ITGAX: variants seen among roughly 807,000 people sequenced by gnomAD.
The protein encoded by ITGAX is integrin alpha-X.
A neutral mutation model predicts 140.2 loss-of-function variants in ITGAX; 99 were observed. The ratio of observed to expected loss-of-function variants is 0.71; its 90% CI spans 0.60 to 0.83. The LOEUF is 0.83. Ranked by LOEUF, ITGAX falls within the 40% of genes least tolerant of loss-of-function variation. The pLI is 0.00. For missense variants in ITGAX, 1,444 were observed against 1,482.0 expected (o/e 0.97, Z 0.42); for synonymous variants, 631 against 600.4 (o/e 1.05, Z -0.75).
intron 23 of ITGAX, among the ~76,000 whole-genome samples, chr16:31,378,656 G>A (rs2081040950): frequency 6.6e-6 from 1 of 151,874 alleles, no homozygotes; most frequent in African/African-American, 2.4e-5. Flanking sequence ...TTGTTTTGGA[G>A]AGATGGGGTC....
rs145504543 is a variant in ITGAX, at chr16:31,371,456, G to C, written c.1964G>C (p.Cys655Ser). 1 of 1,614,168 alleles carries C rather than the reference G, an allele frequency of 6.2e-7. No homozygotes were observed. Residue 655 changes from cysteine to serine, a missense_variant, in exon 16 of 30, where the codon TGC becomes TCC. By Grantham distance (112) the Cys-to-Ser change is moderately radical (BLOSUM62 -1). Transcript: ENST00000268296. The stretch of plus-strand genomic sequence containing the variant: ...CAGACCCTGGTACAGTCCAACATCT[G>C]CCTTTACATTGACAAACGTTCTAAG... Reference protein sequence around the residue: ...SEQTLVQSNICLYIDKRSKNL... With the variant: ...SEQTLVQSNISLYIDKRSKNL...
In ITGAX at chr16:31,372,143, A is replaced by T. The variant is rs929292554; in HGVS notation, c.2161-235A>T. On this transcript the variant is annotated intron_variant, in intron 17 of 29. Coordinates refer to ENST00000268296, the MANE Select transcript of ITGAX (RefSeq NM_000887.5). ...GGCCAGGGGCATAGGTGGCCAAAAC[A>T]GTCATTGCTGATCGGGAGGTCTGGG... is the stretch of plus-strand genomic sequence containing the variant. Among the ~76,000 whole-genome samples, 4 of 146,182 alleles carry T rather than the reference A, an allele frequency of 2.7e-5. No individual in the cohort carries two copies. In the South Asian group the frequency reaches 8.9e-4, roughly 33 times the overall value.
intron 14 of ITGAX, among the ~76,000 whole-genome samples, chr16:31,370,411 C>T (rs1246820400): frequency 2.6e-5 from 4 of 152,054 alleles, no homozygotes; most frequent in South Asian, 2.1e-4. Flanking sequence ...GGTGTGGGTG[C>T]GACCACTCCC....
Position 31,379,776 on chromosome 16 carries a change from G to C in ITGAX, c.2888G>C (p.Arg963Thr). The C allele has an allele frequency of 6.2e-7, 1 of 1,614,058 alleles. No homozygotes were observed. Among genetic ancestry groups the C allele is most frequent in the South Asian group, 1.1e-5 (1 of 91,058 alleles). Residue 963 changes from arginine (R) to threonine (T), a missense_variant, in exon 25 of 30, where the codon AGG (arginine) becomes ACG (threonine). Coordinates refer to ENST00000268296, the MANE Select transcript of ITGAX (RefSeq NM_000887.5). ...HRYQVNNLGQ[R>T]DLPVSINFWV... ...GTGCAGGTCAATAACCTGGGACAGA[G>C]GGACCTGCCTGTCAGCATCAACTTC...
Position 31,372,676 on chromosome 16 carries a change from C to G in ITGAX, c.2366+6C>G, listed in dbSNP as rs774557588. 37 of 1,613,082 alleles carry G rather than the reference C, an allele frequency of 2.3e-5. No homozygotes were observed. In the Admixed American group the frequency reaches 2.3e-4, roughly 10 times the overall value. On this transcript the variant is annotated splice_donor_region_variant and intron_variant, in intron 19 of 29. Transcript: ENST00000268296. ...ATCTCCTTCAGCTTCCCAGGGTGAG[C>G]GCCCCCACCTTAGACCTGCCCTACT...
Position 31,360,048 on chromosome 16 carries a change from C to G in ITGAX, c.690C>G (p.Thr230=), listed in dbSNP as rs75652952. 54 of 1,611,232 alleles carry G rather than the reference C, an allele frequency of 3.4e-5. No homozygotes were observed. Among genetic ancestry groups the G allele is most frequent in the Middle Eastern group, 1.7e-4 (1 of 6,024 alleles). ...TGCAAGGGTTTACATACACGGCCAC[C>G]GCCATCCAAAATGTCGTGTGAGTCC... ...HQLQGFTYTA[T]AIQNVVHRLF... The change falls in exon 7 of 30, where the codon ACC becomes ACG. Residue 230 remains threonine (T), a synonymous_variant. Coordinates refer to ENST00000268296, the MANE Select transcript of ITGAX (RefSeq NM_000887.5).
In ITGAX at chr16:31,371,189, G is replaced by A. The variant is rs143688440; in HGVS notation, c.1816G>A (p.Ala606Thr). Residue 606 changes from alanine to threonine, a missense_variant, in exon 15 of 30, where the codon GCC becomes ACC. Physicochemically the swap from Ala to Thr is moderately conservative, Grantham distance 58 (BLOSUM62 0). Transcript: ENST00000268296. ...QDGLVDLAVG[A>T]RGQVLLLRTR... is the part of the protein sequence containing the mutation. Reference sequence around the variant, plus strand: ...TGGACTGGTGGACCTGGCTGTGGGGGCCCGGGGCCAGGTGCTCCTGCTCAG... The same window carrying A: ...TGGACTGGTGGACCTGGCTGTGGGGACCCGGGGCCAGGTGCTCCTGCTCAG... 2.8e-4 allele frequency: 445 copies of A among 1,610,756 alleles called. No homozygotes were observed. Among genetic ancestry groups the A allele is most frequent in the Non-Finnish European group, 3.4e-4 (395 of 1,178,548 alleles).
At chr16:31,360,964 T>G in intron 8 of ITGAX, 99 bp from the exon 9 acceptor site, 4 of 1,154,994 alleles carry the variant, frequency 3.5e-6, no homozygotes, top group Non-Finnish European at 5.1e-6. Flanking sequence ...CCGGGTGTGA[T>G]CATGTTGATC....
intron 14 of ITGAX, among the ~76,000 whole-genome samples, chr16:31,366,948 A>T (rs943200423): frequency 2.0e-5 from 3 of 152,230 alleles, no homozygotes; most frequent in African/African-American, 7.2e-5. Context: ...AAGTTATTGA[A>T]GGAAATTAAG....
At chr16:31,364,159 A>G (rs1252005908) in intron 14 of ITGAX, among the ~76,000 whole-genome samples, 1 of 152,156 alleles carries the variant, frequency 6.6e-6, no homozygotes, top group Admixed American at 6.5e-5. Flanking sequence ...CAGGTGGCTC[A>G]CATCTGTAAT....
intron 19 of ITGAX, 124 bp downstream of exon 19, chr16:31,372,794 G>A: frequency 1.1e-6 from 1 of 949,074 alleles, no homozygotes; most frequent in Non-Finnish European, 1.6e-6. Flanking sequence ...GTCTTGGCTG[G>A]GCACAGTGGC....
Position 31,361,884 on chromosome 16 carries a change from A to T in ITGAX, c.1061A>T (p.Glu354Val). The T allele has an allele frequency of 1.2e-6, 2 of 1,614,014 alleles. No homozygotes were observed. The highest frequency in any genetic ancestry group is 1.7e-6 in the Non-Finnish European group (2 of 1,179,998). The change falls in exon 10 of 30, where the codon GAG becomes GTG. Residue 354 changes from glutamate (E) to valine (V), a missense_variant. Glu to Val is a moderately radical substitution (Grantham distance 121, BLOSUM62 -2). Transcript: ENST00000268296. ...SSSFELEMAQ[E>V]GFSAVFTPDG... ...TCCTTCGAATTGGAGATGGCACAGG[A>T]GGGCTTCAGCGCTGTGTTCACACCT...
At chr16:31,359,313 G>C (rs938996869) in intron 5 of ITGAX, among the ~76,000 whole-genome samples, 1 of 152,144 alleles carries the variant, frequency 6.6e-6, no homozygotes, top group East Asian at 1.9e-4. Flanking sequence ...CCACAGGCGC[G>C]TGCCACCACA....
intron 5 of ITGAX, among the ~76,000 whole-genome samples, chr16:31,359,080 A>T (rs1003641392): frequency 1.3e-5 from 2 of 152,142 alleles, no homozygotes; most frequent in African/African-American, 4.8e-5. Context: ...TAGGCCTCCC[A>T]AAGTGCTTGG....
chr16:31,359,406 C>T (rs1270920660), intron 5 of ITGAX, among the ~76,000 whole-genome samples: 2 of 152,114 alleles, frequency 1.3e-5, no homozygotes, highest in Non-Finnish European at 2.9e-5. Context: ...CCTCGTGATC[C>T]GCCCCCCTCG....
rs1308867118 is a variant in ITGAX at position 31,355,753 on chromosome 16, G to A, written c.38-140G>A. On this transcript the variant is annotated intron_variant, in intron 1 of 29. Transcript: ENST00000268296. ...CTGGACCCTGGGAAGGAGAGAAGGGGATGAGTTGGGTGTCCAGAAGACCCA... is the reference window on the plus strand; with the variant it reads ...CTGGACCCTGGGAAGGAGAGAAGGGAATGAGTTGGGTGTCCAGAAGACCCA... 3 of 680,706 alleles carry A rather than the reference G, an allele frequency of 4.4e-6. No homozygotes were observed. In the East Asian group the frequency reaches 7.6e-5, roughly 17 times the overall value. The allele number at this position is 680,706 out of a possible 1,614,324, so 42.2% of individuals were successfully genotyped here.
In ITGAX at chr16:31,362,681, C is replaced by T. The variant is rs1280235661; in HGVS notation, c.1287C>T (p.His429=). 8.7e-6 allele frequency: 14 copies of T among 1,613,672 alleles called. No individual in the cohort carries two copies. The highest frequency in any genetic ancestry group is 3.3e-5 in the South Asian group (3 of 91,080). The change falls in exon 12 of 30, where the codon CAC becomes CAT. Residue 429 remains histidine, a synonymous_variant. Transcript: ENST00000268296. ...TCCTGGGGGCCCCCCGCTACCAGCA[C>T]ACCGGGAAGGCTGTCATCTTCACCC... The part of the protein sequence containing the change: ...SLVLGAPRYQ[H]TGKAVIFTQV...
intron 14 of ITGAX, among the ~76,000 whole-genome samples, chr16:31,366,956 AAGAG>A: frequency 1.3e-5 from 2 of 152,378 alleles, no homozygotes; most frequent in South Asian, 4.1e-4. Flanking sequence ...GAAGGAAATT[AAGAG>A]TGTTACTCCA....
intron 14 of ITGAX, among the ~76,000 whole-genome samples, chr16:31,367,408 G>A (rs1336857988): frequency 6.6e-6 from 1 of 152,224 alleles, no homozygotes; most frequent in East Asian, 1.9e-4. Context: ...AAGCTTCAAA[G>A]GACAAGTTGA....
Sources: gnomAD v4.1 joint callset for allele counts (sites outside exome capture counted in the v4.1 genomes callset) on GRCh38, gnomAD v4.1.1 for gene constraint, MANE v1.5 for transcripts, NCBI Gene and HGNC (gene_info 2026-07-23, HGNC 2026-07-21) for gene names.